Variants in SPPL2A observed in about 807,000 individuals in gnomAD.
SPPL2A encodes the protein signal peptide peptidase like 2A.
Under a neutral mutation model 63.8 loss-of-function variants are expected in SPPL2A, and 51 were observed. The ratio of observed to expected loss-of-function variants is 0.80; its 90% CI spans 0.64 to 1.01. The LOEUF (loss-of-function observed/expected upper bound fraction) is 1.01. Ranked by LOEUF, SPPL2A falls within the 50% of genes least tolerant of loss-of-function variation. The probability of loss-of-function intolerance (pLI) is 0.00; values close to 1 mark genes in which losing one functional copy is unlikely to be tolerated. For missense variants in SPPL2A, 553 were observed against 622.7 expected, an observed-to-expected ratio of 0.89 and a Z score of 1.19; for synonymous variants, 188 against 205.8, an observed-to-expected ratio of 0.91 and a Z score of 0.74.
At chr15:50,718,866 C>CTT (rs985923690) in intron 14 of SPPL2A, among the ~76,000 whole-genome samples, 4 of 152,120 alleles carry the variant, frequency 2.6e-5, no homozygotes, top group African/African-American at 9.7e-5. Flanking sequence ...AAGTGTCTCT[C>CTT]TTTTTGTTCA....
intron 14 of SPPL2A, among the ~76,000 whole-genome samples, chr15:50,717,086 C>T (rs2062604423): frequency 6.6e-6 from 1 of 152,146 alleles, no homozygotes; most frequent in Non-Finnish European, 1.5e-5. Flanking sequence ...TCATGAGGCC[C>T]TATTATGCCT....
At chr15:50,713,568 C>A (rs2062576997) in intron 14 of SPPL2A, among the ~76,000 whole-genome samples, 1 of 151,708 alleles carries the variant, frequency 6.6e-6, no homozygotes. Context: ...CCCAGCATTT[C>A]CTGAGTATTT....
At chr15:50,736,410 T>C (rs902132823) in intron 7 of SPPL2A, among the ~76,000 whole-genome samples, 3 of 152,208 alleles carry the variant, frequency 2.0e-5, no homozygotes, top group Non-Finnish European at 4.4e-5. Flanking sequence ...ACTATATCTG[T>C]GCTGTCCAAT....
intron 5 of SPPL2A, among the ~76,000 whole-genome samples, chr15:50,741,796 T>C (rs1453662574): frequency 6.6e-6 from 1 of 151,590 alleles, no homozygotes; most frequent in Non-Finnish European, 1.5e-5. Flanking sequence ...TGAAAGTCCA[T>C]CTCTACTAAA....
chr15:50,753,156 C>T (rs1278413320), intron 1 of SPPL2A, among the ~76,000 whole-genome samples: 1 of 152,040 alleles, frequency 6.6e-6, no homozygotes, highest in South Asian at 2.1e-4. Flanking sequence ...TTTCTAGAAA[C>T]AGAAGATGTC....
chr15:50,725,036 T>C (rs912900235), intron 12 of SPPL2A, among the ~76,000 whole-genome samples, 185 bp downstream of exon 12: 7 of 152,216 alleles, frequency 4.6e-5, no homozygotes, highest in Non-Finnish European at 2.9e-5. Flanking sequence ...TGCAGTACTT[T>C]AGTTGTTACC....
At chr15:50,714,314 G>A (rs1255868720) in intron 14 of SPPL2A, among the ~76,000 whole-genome samples, 1 of 152,142 alleles carries the variant, frequency 6.6e-6, no homozygotes, top group African/African-American at 2.4e-5. Context: ...CCCTTTGTAG[G>A]TAGCTGCTGT....
At chr15:50,714,746 C>T (rs774184804) in intron 14 of SPPL2A, among the ~76,000 whole-genome samples, 11 of 152,088 alleles carry the variant, frequency 7.2e-5, no homozygotes, top group Middle Eastern at 3.4e-3. Context: ...AGTTCAGGAC[C>T]AGCCTGGCTA....
chr15:50,703,394 G>T lies in SPPL2A; in HGVS notation c.*4406C>A, dbSNP rs1200237209. 9.3e-6 allele frequency: 1 copy of T among 107,580 alleles called. No homozygotes were observed. The highest frequency in any genetic ancestry group is 1.4e-4 in the Admixed American group (1 of 7,282). 6.7% of individuals were successfully genotyped at this position (107,580 alleles called of 1,614,324 possible). A position where few individuals can be genotyped will look rare whatever the true frequency, so the allele number is the denominator to read the frequency against. ...TTTTTTTTTTTTGAGATGGAGTCTC[G>T]CTCTGTCGCCCAGGCTGGAGTGCAG... On this transcript the variant is annotated 3_prime_UTR_variant, in exon 15 of 15. Coordinates refer to ENST00000261854, the MANE Select transcript of SPPL2A (RefSeq NM_032802.4).
chr15:50,736,177 C>T lies in SPPL2A; in HGVS notation c.856G>A (p.Glu286Lys), dbSNP rs1455775062. Reference protein sequence around the residue: ...CTIACRGKNMEVRLIFLSGLC... With the variant: ...CTIACRGKNMKVRLIFLSGLC... Reference sequence around the variant, plus strand: ...CCAGAGAGAAAAATAAGTCTCACTTCCATGTTTTTGCCACGACATGCAATC... The same window carrying T: ...CCAGAGAGAAAAATAAGTCTCACTTTCATGTTTTTGCCACGACATGCAATC... Residue 286 changes from glutamate (E) to lysine (K), a missense_variant, in exon 8 of 15, where the codon GAA becomes AAA. Coordinates refer to ENST00000261854, the MANE Select transcript of SPPL2A (RefSeq NM_032802.4). The T allele has an allele frequency of 1.9e-6, 3 of 1,612,582 alleles. No homozygotes were observed. In the African/African-American group the frequency reaches 4.0e-5, roughly 22 times the overall value.
rs1249147313 is a variant in SPPL2A at position 50,748,827 on chromosome 15, T to G, written c.221A>C (p.Asn74Thr). 1 of 1,609,838 alleles carries G rather than the reference T, an allele frequency of 6.2e-7. No individual in the cohort carries two copies. The highest frequency in any genetic ancestry group is 1.1e-5 in the South Asian group (1 of 90,180). ...LMNLTSTPLC[N>T]LSDIPPVGIK... is the part of the protein sequence containing the mutation. ...GCCAACAGGAGGAATATCAGAAAGGTTGCATAGTGGTGTGGAAGTCAGATT... is the reference window on the plus strand; with the variant it reads ...GCCAACAGGAGGAATATCAGAAAGGGTGCATAGTGGTGTGGAAGTCAGATT... The change falls in exon 3 of 15, where the codon AAC (asparagine) becomes ACC (threonine). Residue 74 changes from asparagine (N) to threonine (T), a missense_variant. By Grantham distance (65) the Asn-to-Thr change is moderately conservative. Transcript: ENST00000261854.
intron 11 of SPPL2A, chr15:50,726,067 C>G: frequency 6.9e-7 from 1 of 1,453,984 alleles, no homozygotes; most frequent in Non-Finnish European, 9.1e-7. Flanking sequence ...AAAATACAAT[C>G]CTTACTTTCT....
intron 1 of SPPL2A, among the ~76,000 whole-genome samples, chr15:50,752,704 C>G (rs1380258677): frequency 6.9e-6 from 1 of 145,896 alleles, no homozygotes; most frequent in African/African-American, 2.5e-5. Flanking sequence ...TGCAACAGAG[C>G]AAGACTCCAT....
chr15:50,717,812 T>G (rs1248509874), intron 14 of SPPL2A, among the ~76,000 whole-genome samples: 1 of 152,124 alleles, frequency 6.6e-6, no homozygotes, highest in Non-Finnish European at 1.5e-5. Flanking sequence ...TAATATTCTT[T>G]AGAAAGCCCT....
Position 50,731,001 on chromosome 15 carries a change from A to G in SPPL2A, c.1053T>C (p.Asp351=). 2 of 1,520,228 alleles carry G rather than the reference A, an allele frequency of 1.3e-6. No homozygotes were observed. The highest frequency in any genetic ancestry group is 1.8e-6 in the Non-Finnish European group (2 of 1,096,914). The allele number at this position is 1,520,228 out of a possible 1,614,324, so 94.2% of individuals were successfully genotyped here. The stretch of plus-strand genomic sequence containing the variant: ...ATGGTGTTATGAAAACAAAAAATAC[A>G]TCATAGAGGAGGAGAAGGCCTAGAA... ...VILLGLLLLY[D]VFFVFITPFI... Residue 351 remains aspartate, a synonymous_variant, in exon 10 of 15, where the codon GAT becomes GAC. Coordinates refer to ENST00000261854, the MANE Select transcript of SPPL2A (RefSeq NM_032802.4).
chr15:50,739,684 C>T lies in SPPL2A; in HGVS notation c.729G>A (p.Trp243Ter), dbSNP rs368753846. 3 of 1,561,880 alleles carry T rather than the reference C, an allele frequency of 1.9e-6. No individual in the cohort carries two copies. Among genetic ancestry groups the T allele is most frequent in the Non-Finnish European group, 2.6e-6 (3 of 1,157,694 alleles). ...MMVLLYFFYKWLVYVMIAIFC... is the reference protein window; with the variant it reads ...MMVLLYFFYK ...ACATAAAATATGACTTCTTACCCAA[C>T]CATTTGTAGAAGAAATAAAGTAAGA... Residue 243 changes from tryptophan to a stop codon, truncating the protein, a stop_gained, in exon 6 of 15, where the codon TGG (tryptophan) becomes TGA (stop). Coordinates refer to ENST00000261854, the MANE Select transcript of SPPL2A (RefSeq NM_032802.4). LOFTEE classifies it high-confidence loss of function.
intron 9 of SPPL2A, among the ~76,000 whole-genome samples, chr15:50,731,379 C>G (rs913041924): frequency 1.3e-5 from 2 of 151,776 alleles, no homozygotes; most frequent in Non-Finnish European, 2.9e-5. Flanking sequence ...AACCCCGTCT[C>G]TACTAAGACT....
intron 10 of SPPL2A, among the ~76,000 whole-genome samples, 163 bp downstream of exon 10, chr15:50,730,802 A>T (rs961415888): frequency 9.8e-5 from 15 of 152,378 alleles, no homozygotes; most frequent in African/African-American, 3.6e-4. Context: ...AACAAAATGG[A>T]TTAAAAGCTT....
chr15:50,723,123 A>G (rs574393882), intron 12 of SPPL2A, among the ~76,000 whole-genome samples: 1 of 152,306 alleles, frequency 6.6e-6, no homozygotes, highest in Admixed American at 6.5e-5. Context: ...ATCGCCTTAC[A>G]TATGTTAGAA....
Sources: allele counts gnomAD v4.1 joint callset (sites outside exome capture counted in the v4.1 genomes callset), GRCh38; gene constraint gnomAD v4.1.1; transcripts MANE v1.5; gene names NCBI Gene and HGNC (gene_info 2026-07-23, HGNC 2026-07-21).